The following PLEKHG4B variants were observed in gnomAD, a reference collection of about 807,000 sequenced individuals.
PLEKHG4B encodes the protein pleckstrin homology domain-containing family G member 4B.
A neutral mutation model predicts 121.3 loss-of-function variants in PLEKHG4B; 111 were observed. That is an observed-to-expected ratio of 0.92 (90% CI 0.78 to 1.07). PLEKHG4B has a LOEUF of 1.07. Ranked by LOEUF, PLEKHG4B falls within the 50% of genes least tolerant of loss-of-function variation. The pLI is 0.00. For missense variants in PLEKHG4B, 1,831 were observed against 1,757.8 expected, an observed-to-expected ratio of 1.04 and a Z score of -0.74; for synonymous variants, 738 against 725.0, an observed-to-expected ratio of 1.02 and a Z score of -0.29.
chr5:107,416 C>A (rs1189281826), intron 1 of PLEKHG4B, among the ~76,000 whole-genome samples: 1 of 152,206 alleles, frequency 6.6e-6, no homozygotes, highest in Non-Finnish European at 1.5e-5. Context: ...CCTGAGGCCT[C>A]CAGCAAGCCT....
At position 144,918 on chromosome 5, in the gene PLEKHG4B, C is replaced by T; in HGVS notation, c.1903C>T (p.Gln635Ter). 1.9e-6 allele frequency: 3 copies of T among 1,612,858 alleles called. No individual in the cohort carries two copies. Among genetic ancestry groups the T allele is most frequent in the Non-Finnish European group, 2.5e-6 (3 of 1,179,714 alleles). Reference protein sequence around the residue: ...PAVSQALSGLQNNTSPIIHSI... With the variant: ...PAVSQALSGL ...CGTCTCCCAGGCCCTCTCAGGATTGCAGGTACGGCAAGGTTGTCATATCCC... is the reference window on the plus strand; with the variant it reads ...CGTCTCCCAGGCCCTCTCAGGATTGTAGGTACGGCAAGGTTGTCATATCCC... The change falls in exon 6 of 20, where the codon CAG (glutamine) becomes TAG (stop). Residue 635 changes from glutamine (Q) to a stop codon, truncating the protein, a stop_gained and splice_region_variant. Coordinates refer to ENST00000637938, the MANE Select transcript of PLEKHG4B (RefSeq NM_052909.5). LOFTEE classifies it high-confidence loss of function.
Position 92,496 on chromosome 5 carries a change from C to T in PLEKHG4B, c.45+220C>T, listed in dbSNP as rs1200921622. Reference sequence around the variant, plus strand: ...GCGGGTGGGGGCGCGGGGGTAGGGGCGGGGTGAAGGCGCGAGCATCAAGGC... The same window carrying T: ...GCGGGTGGGGGCGCGGGGGTAGGGGTGGGGTGAAGGCGCGAGCATCAAGGC... On this transcript the variant is annotated intron_variant, in intron 1 of 19. Coordinates refer to ENST00000637938, the MANE Select transcript of PLEKHG4B (RefSeq NM_052909.5). 5.3e-3 allele frequency among the ~76,000 whole-genome samples: 152 copies of T among 28,752 alleles called. 2 individuals are homozygous for T. Among genetic ancestry groups the T allele is most frequent in the African/African-American group, 0.018 (141 of 7,752 alleles). The allele number at this position is 28,752 out of a possible 152,430, so 18.9% of individuals were successfully genotyped here.
At chr5:94,314 G>A (rs916461208) in intron 1 of PLEKHG4B, among the ~76,000 whole-genome samples, 1 of 152,242 alleles carries the variant, frequency 6.6e-6, no homozygotes, top group African/African-American at 2.4e-5. Context: ...ACAGGCCAGT[G>A]CTGTTGGGTC....
intron 6 of PLEKHG4B, among the ~76,000 whole-genome samples, chr5:149,208 A>C (rs1190529428): frequency 6.6e-6 from 1 of 152,156 alleles, no homozygotes; most frequent in Non-Finnish European, 1.5e-5. Context: ...CAAAAGAAAA[A>C]ATGGACAAAT....
chr5:109,802 G>A (rs549597510), intron 1 of PLEKHG4B, among the ~76,000 whole-genome samples: 1 of 152,352 alleles, frequency 6.6e-6, no homozygotes, highest in South Asian at 2.1e-4. Flanking sequence ...ATTGCACAGA[G>A]TTCAGGGCAA....
rs528460523 is a variant in PLEKHG4B, at chr5:156,356, C to T, written c.2348+146C>T. 6.2e-6 allele frequency: 6 copies of T among 968,318 alleles called. No individual in the cohort carries two copies. The highest frequency in any genetic ancestry group is 8.3e-6 in the Non-Finnish European group (6 of 722,894). The allele number at this position is 968,318 out of a possible 1,614,324, so 60.0% of individuals were successfully genotyped here. A position where few individuals can be genotyped will look rare whatever the true frequency, so the allele number is the denominator to read the frequency against. Reference sequence around the variant, plus strand: ...CTCCATTCTGACAGCCACGCTTTGCCTGGGTCAGAGCTTTTCCACATTTAC... The same window carrying T: ...CTCCATTCTGACAGCCACGCTTTGCTTGGGTCAGAGCTTTTCCACATTTAC... On this transcript the variant is annotated intron_variant, in intron 10 of 19. Transcript: ENST00000637938. This position sits in a 1 kb window ranked among gnomAD's most constrained non-coding sequence, Gnocchi z 4.4.
At chr5:93,067 GT>G (rs1449156805) in intron 1 of PLEKHG4B, among the ~76,000 whole-genome samples, 1 of 152,112 alleles carries the variant, frequency 6.6e-6, no homozygotes. Flanking sequence ...CTCTACTCCT[GT>G]TACCCAACAG....
At chr5:172,414 C>T (rs377598611) in intron 16 of PLEKHG4B, among the ~76,000 whole-genome samples, 4 of 152,162 alleles carry the variant, frequency 2.6e-5, no homozygotes, top group Non-Finnish European at 4.4e-5. Context: ...TCTGTGGGGA[C>T]GAGGGAGGAG....
At chr5:131,286 G>T (rs1734770625) in intron 2 of PLEKHG4B, among the ~76,000 whole-genome samples, 1 of 152,096 alleles carries the variant, frequency 6.6e-6, no homozygotes, top group Non-Finnish European at 1.5e-5. Context: ...ACAGGCCCTG[G>T]TGTGTGATAT....
chr5:155,944 G>T (rs1026990264), intron 9 of PLEKHG4B, 127 bp from the exon 10 acceptor site: 3 of 952,544 alleles, frequency 3.1e-6, no homozygotes, highest in East Asian at 5.3e-5. Flanking sequence ...TGAGGAGTGG[G>T]CACTGTCATG....
chr5:174,281 T>A, intron 18 of PLEKHG4B, among the ~76,000 whole-genome samples, 183 bp downstream of exon 18: 1 of 40,392 alleles, frequency 2.5e-5, no homozygotes, highest in Non-Finnish European at 4.5e-5. Context: ...GAATGGGGGC[T>A]GGGGCTGGGG....
At chr5:101,187 A>G (rs1353415059) in intron 1 of PLEKHG4B, among the ~76,000 whole-genome samples, 5 of 126,082 alleles carry the variant, frequency 4.0e-5, no homozygotes, top group African/African-American at 8.0e-5. Flanking sequence ...AAAGCTCTGG[A>G]AAAAGTCTGT....
In PLEKHG4B at chr5:146,871, G is replaced by C. The variant is rs1250633302; in HGVS notation, c.1905+1951G>C. 2.0e-5 allele frequency among the ~76,000 whole-genome samples: 3 copies of C among 150,982 alleles called. No individual in the cohort carries two copies. The East Asian group carries it at 5.9e-4, about 29-fold the overall frequency. On this transcript the variant is annotated intron_variant, in intron 6 of 19. Transcript: ENST00000637938. ...CCTCTTGTCCCCCTCCTCACTGTCA[G>C]TCCCGCCTGTGGTTTCTTCTTACTT... is the stretch of plus-strand genomic sequence containing the variant.
At position 159,490 on chromosome 5, in the gene PLEKHG4B, C is replaced by A. The variant is rs114787181; in HGVS notation, c.2488-2293C>A. On this transcript the variant is annotated intron_variant, in intron 11 of 19. Transcript: ENST00000637938. This position sits in a 1 kb window ranked among gnomAD's most constrained non-coding sequence, Gnocchi z 5.5. ...TGCTGTCCTTGTAAGGTAGATTTTT[C>A]TCAGCTTTACCCTCTAACTCTATTA... Among the ~76,000 whole-genome samples the A allele has an allele frequency of 1.3e-5, 2 of 152,164 alleles. No homozygotes were observed.
At chr5:149,283 C>T (rs1735527267) in intron 6 of PLEKHG4B, among the ~76,000 whole-genome samples, 1 of 152,104 alleles carries the variant, frequency 6.6e-6, no homozygotes, top group African/African-American at 2.4e-5. Context: ...TAGCTCATTC[C>T]TGTAATCCCA....
chr5:99,816 G>A (rs1156325949), intron 1 of PLEKHG4B, among the ~76,000 whole-genome samples: 2 of 152,060 alleles, frequency 1.3e-5, no homozygotes, highest in Non-Finnish European at 2.9e-5. Context: ...TAATCTTGGG[G>A]AAAACTTTGA....
chr5:146,417 A>G (rs1735416759), intron 6 of PLEKHG4B, among the ~76,000 whole-genome samples: 1 of 116,590 alleles, frequency 8.6e-6, no homozygotes, highest in South Asian at 3.3e-4. Flanking sequence ...TCTCCCCACT[A>G]TGGTCCTCCC....
In PLEKHG4B at chr5:126,901, G is replaced by A. The variant is rs192573934; in HGVS notation, c.244-12582G>A. ...ACCAGATTTTATAGGCAGGCTTGAG[G>A]AGGTGGTATTCCATTTACATGGGGC... On this transcript the variant is annotated intron_variant, in intron 2 of 19. Coordinates refer to ENST00000637938, the MANE Select transcript of PLEKHG4B (RefSeq NM_052909.5). 3.1e-3 allele frequency among the ~76,000 whole-genome samples: 468 copies of A among 152,338 alleles called. 2 individuals carry two copies. The highest frequency in any genetic ancestry group is 0.01 in the Middle Eastern group (3 of 294).
At chr5:108,301 A>T (rs1734035916) in intron 1 of PLEKHG4B, among the ~76,000 whole-genome samples, 1 of 152,074 alleles carries the variant, frequency 6.6e-6, no homozygotes, top group South Asian at 2.1e-4. Flanking sequence ...GGCAAGGCAC[A>T]CTCCCTTCCT....
Sources: allele counts gnomAD v4.1 joint callset (sites outside exome capture counted in the v4.1 genomes callset), GRCh38; gene constraint gnomAD v4.1.1; non-coding constraint Gnocchi (gnomAD v3.1); transcripts MANE v1.5; gene names NCBI Gene and HGNC (gene_info 2026-07-23, HGNC 2026-07-21).